SEMA3D: variants seen among roughly 807,000 people sequenced by gnomAD.
SEMA3D encodes the protein semaphorin 3D.
SEMA3D carries 84 observed loss-of-function variants against 100.1 expected under a neutral mutation model. That is an observed-to-expected ratio of 0.84 (90% CI 0.70 to 1.01). The LOEUF is 1.01. Among genes scored for constraint, SEMA3D ranks in the 50% least tolerant of loss-of-function variants. The pLI, the probability that SEMA3D is intolerant of heterozygous loss-of-function variation, is 0.00. For missense variants in SEMA3D, 875 were observed against 934.1 expected (o/e 0.94, Z 0.82); for synonymous variants, 312 against 320.7 (o/e 0.97, Z 0.29).
chr7:85,090,240 C>A (rs771402066), intron 4 of SEMA3D, among the ~76,000 whole-genome samples: 3 of 152,092 alleles, frequency 2.0e-5, no homozygotes, highest in Non-Finnish European at 2.9e-5. Context: ...TAGAATTGGA[C>A]ACAGAGAAGG....
At chr7:85,132,727 A>G (rs528393578) in intron 2 of SEMA3D, among the ~76,000 whole-genome samples, 83 of 152,080 alleles carry the variant, frequency 5.5e-4, no homozygotes, top group African/African-American at 1.9e-3. Flanking sequence ...TCTTATAATT[A>G]ATACAAGTTT....
At chr7:85,131,745 T>C (rs879801866) in intron 2 of SEMA3D, among the ~76,000 whole-genome samples, 5 of 151,942 alleles carry the variant, frequency 3.3e-5, no homozygotes, top group South Asian at 2.1e-4. Context: ...ATCCTTTGTA[T>C]TGAATCTTAA....
chr7:85,111,563 C>T (rs545782955), intron 3 of SEMA3D, among the ~76,000 whole-genome samples: 6 of 152,048 alleles, frequency 3.9e-5, no homozygotes, highest in Non-Finnish European at 7.4e-5. Flanking sequence ...GTGCCACAGA[C>T]CATTAATTCT....
chr7:85,216,911 A>T, the SEMA3D span, among the ~76,000 whole-genome samples: 2 of 152,014 alleles, frequency 1.3e-5, no homozygotes, highest in African/African-American at 2.4e-5. Flanking sequence ...CAGGCTCCAA[A>T]AAACTTGGAT....
intron 16 of SEMA3D, 36 bp from the exon 17 acceptor site, chr7:85,012,882 G>C (rs199662406): frequency 6.6e-7 from 1 of 1,518,350 alleles, no homozygotes; most frequent in Non-Finnish European, 9.1e-7. Flanking sequence ...AGAACTTCAA[G>C]CATGATTACC....
At chr7:85,067,346 A>G (rs1791657125) in intron 7 of SEMA3D, among the ~76,000 whole-genome samples, 1 of 152,120 alleles carries the variant, frequency 6.6e-6, no homozygotes, top group Non-Finnish European at 1.5e-5. Flanking sequence ...ATCACAAACC[A>G]TCTATCTCAT....
At chr7:85,186,237 G>C (rs1362875244) in intron 1 of SEMA3D, among the ~76,000 whole-genome samples, 1 of 152,140 alleles carries the variant, frequency 6.6e-6, no homozygotes, top group Non-Finnish European at 1.5e-5. Flanking sequence ...CGACTAAAGC[G>C]TCTCCAAATG....
At chr7:85,180,114 T>C (rs1232589078) in intron 1 of SEMA3D, among the ~76,000 whole-genome samples, 1 of 152,196 alleles carries the variant, frequency 6.6e-6, no homozygotes, top group Admixed American at 6.5e-5. Context: ...ACCTAAATCT[T>C]ATGTTGAATT....
At chr7:85,123,958 A>T (rs1789498022) in intron 2 of SEMA3D, among the ~76,000 whole-genome samples, 1 of 152,054 alleles carries the variant, frequency 6.6e-6, no homozygotes. Flanking sequence ...TCTGACCAAA[A>T]CCTACACCAT....
chr7:85,037,323 A>G (rs947887402), intron 11 of SEMA3D, among the ~76,000 whole-genome samples: 1 of 152,178 alleles, frequency 6.6e-6, no homozygotes, highest in Admixed American at 6.6e-5. Context: ...TGTCATCTAA[A>G]TTGGCACCTG....
rs549382107 is a variant in SEMA3D at position 85,122,287 on chromosome 7, T to G, written c.-40-356A>C. On this transcript the variant is annotated intron_variant, in intron 2 of 18. Transcript: ENST00000284136. Reference sequence around the variant, plus strand: ...GGTAGACTTTCCTCAACTTACTAAATTATAATGTTCTGAATGTATATAGAT... The same window carrying G: ...GGTAGACTTTCCTCAACTTACTAAAGTATAATGTTCTGAATGTATATAGAT... Among the ~76,000 whole-genome samples the G allele has an allele frequency of 2.0e-5, 3 of 152,004 alleles. No homozygotes were observed. The East Asian group carries it at 5.8e-4, about 29-fold the overall frequency.
the SEMA3D span, among the ~76,000 whole-genome samples, chr7:85,238,804 T>C: frequency 5.3e-5 from 8 of 152,230 alleles, no homozygotes; most frequent in African/African-American, 1.9e-4. Context: ...CCTGACAATA[T>C]TGAGTCTTCC....
intron 2 of SEMA3D, among the ~76,000 whole-genome samples, chr7:85,139,749 A>T (rs991576152): frequency 6.6e-6 from 1 of 152,072 alleles, no homozygotes; most frequent in African/African-American, 2.4e-5. Flanking sequence ...TTTCAGAGAT[A>T]TTGAAGTGAG....
In SEMA3D at chr7:85,100,150, A is replaced by C. The variant is rs1788702315; in HGVS notation, c.152-2185T>G. On this transcript the variant is annotated intron_variant, in intron 3 of 18. Transcript: ENST00000284136. The stretch of plus-strand genomic sequence containing the variant: ...CCAGTAATCCAGTAATGATATCAAA[A>C]ATTTAATGCTAGAATAGACCTTGAA... Among the ~76,000 whole-genome samples, 2 of 152,014 alleles carry C rather than the reference A, an allele frequency of 1.3e-5. 1 individual carries two copies. The highest frequency in any genetic ancestry group is 4.1e-4 in the South Asian group (2 of 4,832).
At chr7:85,087,460 G>C (rs1788255506) in intron 4 of SEMA3D, among the ~76,000 whole-genome samples, 2 of 152,140 alleles carry the variant, frequency 1.3e-5, no homozygotes, top group South Asian at 2.1e-4. Flanking sequence ...ATCAAACGGA[G>C]ATCTTTTCTG....
chr7:85,201,950 G>A, the SEMA3D span, among the ~76,000 whole-genome samples: 1 of 151,708 alleles, frequency 6.6e-6, no homozygotes, highest in African/African-American at 2.4e-5. Context: ...GAATGCCTAG[G>A]CTCAAGTGAC....
At chr7:85,119,708 C>A (rs546816527) in intron 3 of SEMA3D, among the ~76,000 whole-genome samples, 1 of 152,258 alleles carries the variant, frequency 6.6e-6, no homozygotes, top group South Asian at 2.1e-4. Context: ...CAAACCTCCA[C>A]GACACAACTT....
intron 18 of SEMA3D, among the ~76,000 whole-genome samples, chr7:85,003,730 C>G (rs982368862): frequency 3.3e-5 from 5 of 151,792 alleles, no homozygotes; most frequent in Non-Finnish European, 7.4e-5. Flanking sequence ...CAAATACAAC[C>G]GAAGCCAACA....
intron 18 of SEMA3D, among the ~76,000 whole-genome samples, chr7:85,003,819 T>A (rs990084110): frequency 3.3e-5 from 5 of 152,102 alleles, no homozygotes; most frequent in African/African-American, 4.8e-5. Flanking sequence ...TTTTTTCATA[T>A]TAAACTGATA....
Sources: allele counts gnomAD v4.1 joint callset (sites outside exome capture counted in the v4.1 genomes callset), GRCh38; gene constraint gnomAD v4.1.1; transcripts MANE v1.5; gene names NCBI Gene and HGNC (gene_info 2026-07-23, HGNC 2026-07-21).